The following PDE1A variants were observed in gnomAD, a reference collection of about 807,000 sequenced individuals.
PDE1A encodes dual specificity calcium/calmodulin-dependent 3',5'-cyclic nucleotide phosphodiesterase 1A.
Under a neutral mutation model 61.7 loss-of-function variants are expected in PDE1A, and 35 were observed. That is an observed-to-expected ratio of 0.57 (90% CI 0.43 to 0.75). The LOEUF is 0.75. Among genes scored for constraint, PDE1A ranks in the 30% least tolerant of loss-of-function variants. PDE1A has a pLI of 0.00. For synonymous variants in PDE1A, 232 were observed against 213.2 expected (o/e 1.09, Z -0.77); for missense variants, 597 against 630.6 (o/e 0.95, Z 0.57).
intron 1 of PDE1A, among the ~76,000 whole-genome samples, chr2:182,426,260 A>T (rs1425238055): frequency 2.6e-5 from 4 of 152,212 alleles, no homozygotes; most frequent in Non-Finnish European, 5.9e-5. Context: ...AACGTTTCCT[A>T]TTTAGAGGGC....
chr2:182,383,605 A>C (rs963111144), intron 1 of PDE1A, among the ~76,000 whole-genome samples: 1 of 152,240 alleles, frequency 6.6e-6, no homozygotes, highest in Non-Finnish European at 1.5e-5. Context: ...AGGCAGAGCA[A>C]GATGGCAGAG....
intron 1 of PDE1A, among the ~76,000 whole-genome samples, chr2:182,346,813 T>C (rs1005516623): frequency 2.0e-5 from 3 of 152,048 alleles, no homozygotes; most frequent in African/African-American, 7.2e-5. Flanking sequence ...TAAATGACAA[T>C]CCTATGATCA....
At chr2:182,301,263 G>A (rs762100429) in intron 1 of PDE1A, among the ~76,000 whole-genome samples, 1 of 152,086 alleles carries the variant, frequency 6.6e-6, no homozygotes, top group Non-Finnish European at 1.5e-5. Context: ...GTTTCTTAAA[G>A]GCACAAGTAA....
intron 1 of PDE1A, among the ~76,000 whole-genome samples, chr2:182,402,919 A>G (rs1702086679): frequency 6.6e-6 from 1 of 152,232 alleles, no homozygotes; most frequent in African/African-American, 2.4e-5. Context: ...ACAAACATGA[A>G]AAAAGTTGAT....
intron 2 of PDE1A, among the ~76,000 whole-genome samples, chr2:182,434,490 A>C (rs1704111755): frequency 6.6e-6 from 1 of 152,052 alleles, no homozygotes; most frequent in South Asian, 2.1e-4. Context: ...CCTTTTTACT[A>C]CATCTTCAGA....
chr2:182,186,658 G>C, intron 11 of PDE1A, 70 bp from the exon 12 acceptor site: 1 of 1,461,444 alleles, frequency 6.8e-7, no homozygotes, highest in Non-Finnish European at 9.3e-7. Flanking sequence ...TCTGAAATCA[G>C]AAATAATGAA....
intron 1 of PDE1A, among the ~76,000 whole-genome samples, chr2:182,324,981 C>T (rs1696949746): frequency 6.6e-6 from 1 of 152,172 alleles, no homozygotes; most frequent in South Asian, 2.1e-4. Context: ...ATGATTTGCT[C>T]AGGGTCATGG....
At chr2:182,492,264 G>A (rs764389612) in intron 2 of PDE1A, among the ~76,000 whole-genome samples, 6 of 152,032 alleles carry the variant, frequency 3.9e-5, no homozygotes, top group Non-Finnish European at 8.8e-5. Context: ...AATTATTTAT[G>A]TGATTATTTG....
chr2:182,502,488 G>A (rs912495343), intron 2 of PDE1A, among the ~76,000 whole-genome samples: 4 of 152,122 alleles, frequency 2.6e-5, no homozygotes, highest in African/African-American at 9.7e-5. Flanking sequence ...ATTGAGTCCT[G>A]TGATTTTAAA....
intron 6 of PDE1A, among the ~76,000 whole-genome samples, chr2:182,225,711 T>C (rs1689088865): frequency 6.6e-6 from 1 of 150,702 alleles, no homozygotes; most frequent in African/African-American, 2.5e-5. Context: ...TCATGTCTTG[T>C]CATATGGTAA....
upstream of PDE1A, among the ~76,000 whole-genome samples, chr2:182,527,247 A>G (rs1690785046): frequency 7.0e-6 from 1 of 142,724 alleles, no homozygotes; most frequent in African/African-American, 2.6e-5. Flanking sequence ...CAGGCAGATC[A>G]CTTCAGCTCA....
chr2:182,201,359 G>A, intron 10 of PDE1A, 80 bp downstream of exon 10: 1 of 1,519,802 alleles, frequency 6.6e-7, no homozygotes, highest in Non-Finnish European at 8.9e-7. Flanking sequence ...ACAAGCCCTG[G>A]ATTCCATACA....
At chr2:182,473,116 C>G (rs965165286) in intron 2 of PDE1A, among the ~76,000 whole-genome samples, 1 of 151,760 alleles carries the variant, frequency 6.6e-6, no homozygotes, top group Non-Finnish European at 1.5e-5. Context: ...TATCCCTCCC[C>G]CCTCAACCCC....
At chr2:182,263,749 C>T (rs10930998) in intron 2 of PDE1A, among the ~76,000 whole-genome samples, 35,766 of 152,100 alleles carry the variant, frequency 0.24, 4,363 homozygotes, top group Admixed American at 0.33. Context: ...ACTAAGCTGG[C>T]AACCCTCTTC....
At chr2:182,691,222 G>T in the PDE1A span, among the ~76,000 whole-genome samples, 1 of 152,164 alleles carries the variant, frequency 6.6e-6, no homozygotes, top group East Asian at 1.9e-4. Flanking sequence ...ACATCACCAA[G>T]TCAATCCTAA....
At chr2:182,654,735 T>A in the PDE1A span, among the ~76,000 whole-genome samples, 1 of 152,176 alleles carries the variant, frequency 6.6e-6, no homozygotes, top group Non-Finnish European at 1.5e-5. Flanking sequence ...GGGCTCTGGC[T>A]CTGTGAACTA....
At chr2:182,680,797 T>A in the PDE1A span, among the ~76,000 whole-genome samples, 29 of 152,328 alleles carry the variant, frequency 1.9e-4, no homozygotes, top group African/African-American at 6.7e-4. Context: ...ACAGCTTTAT[T>A]GAGGCAGCAG....
chr2:182,634,117 C>T, the PDE1A span, among the ~76,000 whole-genome samples: 1 of 151,816 alleles, frequency 6.6e-6, no homozygotes. Context: ...AAAAGATAAC[C>T]CCTCAATTTC....
chr2:182,256,038 C>CTTTTTTTTTTTTTTTTTTTT (rs755211798), intron 2 of PDE1A, among the ~76,000 whole-genome samples: 3 of 92,328 alleles, frequency 3.2e-5, no homozygotes, highest in Non-Finnish European at 2.1e-5. Context: ...AGGATGACTT[C>CTTTTTTTTTTTTTTTTTTTT]TTTTTTTTTT....
Sources: allele counts gnomAD v4.1 joint callset (sites outside exome capture counted in the v4.1 genomes callset), GRCh38; gene constraint gnomAD v4.1.1; transcripts MANE v1.5; gene names NCBI Gene and HGNC (gene_info 2026-07-23, HGNC 2026-07-21).